Variants in CCDC85A observed in about 807,000 individuals in gnomAD.
CCDC85A encodes the protein coiled-coil domain-containing protein 85A.
A neutral mutation model predicts 50.2 loss-of-function variants in CCDC85A; 38 were observed. That is an observed-to-expected ratio of 0.76 (90% CI 0.58 to 0.99). The LOEUF is 0.99. Among genes scored for constraint, CCDC85A ranks in the 50% least tolerant of loss-of-function variants. The pLI is 0.00. For synonymous variants in CCDC85A, 366 were observed against 301.4 expected (o/e 1.21, Z -2.22); for missense variants, 820 against 742.0 (o/e 1.11, Z -1.22).
At chr2:56,356,378 C>T (rs931181230) in intron 3 of CCDC85A, among the ~76,000 whole-genome samples, 2 of 152,228 alleles carry the variant, frequency 1.3e-5, no homozygotes, top group Non-Finnish European at 2.9e-5. Flanking sequence ...CATTTTAATA[C>T]ATGATTCTTT....
chr2:56,211,224 T>C (rs192684035), intron 2 of CCDC85A, among the ~76,000 whole-genome samples: 1 of 152,228 alleles, frequency 6.6e-6, no homozygotes, highest in East Asian at 1.9e-4. Flanking sequence ...CAGCATGGAC[T>C]TACAGTGCAA....
At chr2:56,363,107 A>T (rs562223715) in intron 3 of CCDC85A, among the ~76,000 whole-genome samples, 8 of 152,032 alleles carry the variant, frequency 5.3e-5, no homozygotes, top group African/African-American at 1.7e-4. Flanking sequence ...TTTCCATCGT[A>T]TTTTTTTTAT....
chr2:56,332,357 A>G (rs1253993694), intron 2 of CCDC85A, among the ~76,000 whole-genome samples: 1 of 152,102 alleles, frequency 6.6e-6, no homozygotes, highest in Non-Finnish European at 1.5e-5. Flanking sequence ...CACAGTTTTG[A>G]AGGTTGGAAA....
intron 2 of CCDC85A, among the ~76,000 whole-genome samples, chr2:56,240,527 G>T (rs1319173035): frequency 6.6e-6 from 1 of 151,944 alleles, no homozygotes; most frequent in African/African-American, 2.4e-5. Flanking sequence ...CCAATTCTTT[G>T]TTCAAAATGC....
At chr2:56,335,435 A>G (rs114796921) in intron 2 of CCDC85A, among the ~76,000 whole-genome samples, 39 of 152,178 alleles carry the variant, frequency 2.6e-4, no homozygotes, top group African/African-American at 8.2e-4. Flanking sequence ...ACTTTTTGCT[A>G]CTATAACAGA....
chr2:56,280,117 G>A (rs1470016824), intron 2 of CCDC85A, among the ~76,000 whole-genome samples: 1 of 152,110 alleles, frequency 6.6e-6, no homozygotes, highest in African/African-American at 2.4e-5. Flanking sequence ...AACGTATTGT[G>A]TCTCTCTCTC....
At chr2:56,229,534 G>A (rs1668689115) in intron 2 of CCDC85A, among the ~76,000 whole-genome samples, 1 of 152,044 alleles carries the variant, frequency 6.6e-6, no homozygotes, top group South Asian at 2.1e-4. Flanking sequence ...CTGGCCTATA[G>A]GAAGAAGAGA....
intron 2 of CCDC85A, among the ~76,000 whole-genome samples, chr2:56,278,676 C>T (rs1480426917): frequency 3.3e-5 from 5 of 152,018 alleles, no homozygotes; most frequent in Admixed American, 1.3e-4. Flanking sequence ...TGGGTTCAAG[C>T]GATTCTCCTG....
chr2:56,252,529 T>G (rs1401623270), intron 2 of CCDC85A, among the ~76,000 whole-genome samples: 1 of 152,130 alleles, frequency 6.6e-6, no homozygotes, highest in East Asian at 1.9e-4. Flanking sequence ...ATGATCAGGC[T>G]GCTCTGGGTA....
intron 2 of CCDC85A, among the ~76,000 whole-genome samples, chr2:56,201,944 G>GA (rs1558581550): frequency 6.6e-6 from 1 of 152,094 alleles, no homozygotes; most frequent in Admixed American, 6.6e-5. Context: ...ATTGTCCAAG[G>GA]CCAGATGTCA....
chr2:56,214,122 A>G (rs557965591), intron 2 of CCDC85A, among the ~76,000 whole-genome samples: 6 of 139,080 alleles, frequency 4.3e-5, no homozygotes, highest in African/African-American at 1.7e-4. Flanking sequence ...ACATTAGTAT[A>G]TATAATATGT....
At chr2:56,302,293 A>G (rs1186988708) in intron 2 of CCDC85A, among the ~76,000 whole-genome samples, 3 of 152,134 alleles carry the variant, frequency 2.0e-5, no homozygotes, top group African/African-American at 7.2e-5. Context: ...AAAAAATAAG[A>G]TCATAAATAG....
intron 2 of CCDC85A, among the ~76,000 whole-genome samples, chr2:56,302,747 G>A (rs1672266443): frequency 6.6e-6 from 1 of 152,188 alleles, no homozygotes; most frequent in Non-Finnish European, 1.5e-5. Context: ...GTCACTGTGT[G>A]TATGTGTTCC....
At chr2:56,292,697 G>A (rs1245042533) in intron 2 of CCDC85A, among the ~76,000 whole-genome samples, 1 of 152,150 alleles carries the variant, frequency 6.6e-6, no homozygotes, top group Non-Finnish European at 1.5e-5. Context: ...ACTGGGACAT[G>A]AGACCCCTGG....
chr2:56,351,842 A>G (rs1356499660), intron 3 of CCDC85A, among the ~76,000 whole-genome samples: 1 of 151,818 alleles, frequency 6.6e-6, no homozygotes, highest in Non-Finnish European at 1.5e-5. Context: ...TCTGTGCAGA[A>G]GCTCTTTAGT....
chr2:56,379,935 G>T (rs1676507107), intron 5 of CCDC85A: 1 of 267,526 alleles, frequency 3.7e-6, no homozygotes, highest in Non-Finnish European at 5.8e-6. Flanking sequence ...TTAAAATGCT[G>T]ACCAAATGCC....
chr2:56,241,242 A>G (rs1375697923), intron 2 of CCDC85A, among the ~76,000 whole-genome samples: 4 of 152,208 alleles, frequency 2.6e-5, no homozygotes, highest in African/African-American at 9.6e-5. Flanking sequence ...TGATACAGAC[A>G]TACAATTTGT....
At chr2:56,206,604 C>G (rs914357421) in intron 2 of CCDC85A, among the ~76,000 whole-genome samples, 3 of 152,146 alleles carry the variant, frequency 2.0e-5, no homozygotes, top group Non-Finnish European at 4.4e-5. Context: ...AACTAACCCA[C>G]TCCCATGATA....
chr2:56,303,254 CGTAGTAAATAGTTAT>C (rs1380868039), intron 2 of CCDC85A, among the ~76,000 whole-genome samples: 7 of 151,942 alleles, frequency 4.6e-5, no homozygotes, highest in African/African-American at 1.5e-4. Context: ...AGTCATGGCA[CGTAGTAAATAGTTAT>C]GTTGTAATAT....
Sources: allele counts gnomAD v4.1 joint callset (sites outside exome capture counted in the v4.1 genomes callset), GRCh38; gene constraint gnomAD v4.1.1; transcripts MANE v1.5; gene names NCBI Gene and HGNC (gene_info 2026-07-23, HGNC 2026-07-21).